Variants in QDPR observed in about 807,000 individuals in gnomAD.
The protein encoded by QDPR is quinoid dihydropteridine reductase, also known as dihydropteridine reductase.
In QDPR, 23 loss-of-function variants were observed where a neutral mutation model predicts 31.7. The ratio of observed to expected loss-of-function variants is 0.73; its 90% CI spans 0.52 to 1.03. The LOEUF is 1.03. Among genes scored for constraint, QDPR ranks in the 50% least tolerant of loss-of-function variants. QDPR has a pLI of 0.00. For missense variants in QDPR, 324 were observed against 323.8 expected (o/e 1.00, Z 0.00); for synonymous variants, 124 against 124.7 (o/e 0.99, Z 0.03).
At chr4:17,506,908 C>A (rs1038041386) in intron 2 of QDPR, among the ~76,000 whole-genome samples, 1 of 152,158 alleles carries the variant, frequency 6.6e-6, no homozygotes, top group African/African-American at 2.4e-5. Flanking sequence ...GTTGTGCTCA[C>A]AGTTTTATGT....
intron 6 of QDPR, chr4:17,490,447 G>A: frequency 1.8e-6 from 1 of 549,972 alleles, no homozygotes; most frequent in Non-Finnish European, 3.4e-6. Context: ...CAGGATTCAT[G>A]TCGGCACTAC....
intron 1 of QDPR, among the ~76,000 whole-genome samples, chr4:17,510,524 T>A (rs1411985): frequency 6.6e-6 from 1 of 152,054 alleles, no homozygotes; most frequent in South Asian, 2.1e-4. Context: ...TGTTATCCCA[T>A]GGGGGATACT....
intron 6 of QDPR, among the ~76,000 whole-genome samples, chr4:17,488,690 C>G (rs1174584334): frequency 6.6e-6 from 1 of 152,194 alleles, no homozygotes; most frequent in African/African-American, 2.4e-5. Flanking sequence ...AGACTTCGGA[C>G]CTTCATTAAC....
At chr4:17,487,831 G>C (rs898020296) in intron 6 of QDPR, among the ~76,000 whole-genome samples, 5 of 152,136 alleles carry the variant, frequency 3.3e-5, no homozygotes, top group Admixed American at 6.6e-5. Flanking sequence ...AAGCCAGTAG[G>C]CATGATGGAC....
At chr4:17,506,756 T>C (rs1017183952) in intron 2 of QDPR, among the ~76,000 whole-genome samples, 1 of 152,248 alleles carries the variant, frequency 6.6e-6, no homozygotes, top group Non-Finnish European at 1.5e-5. Context: ...AAGGTCAATC[T>C]GTATGACTTA....
At chr4:17,499,871 T>C (rs1380902734) in intron 4 of QDPR, among the ~76,000 whole-genome samples, 1 of 152,028 alleles carries the variant, frequency 6.6e-6, no homozygotes, top group Non-Finnish European at 1.5e-5. Flanking sequence ...GTGAGCTAGA[T>C]CATACCACTA....
At chr4:17,496,393 A>C (rs916550357) in intron 4 of QDPR, among the ~76,000 whole-genome samples, 1 of 139,990 alleles carries the variant, frequency 7.1e-6, no homozygotes, top group African/African-American at 2.6e-5. Flanking sequence ...GCGGTGAGCC[A>C]AGATTGCGCC....
chr4:17,488,687 G>A (rs1231270652), intron 6 of QDPR, among the ~76,000 whole-genome samples: 5 of 152,156 alleles, frequency 3.3e-5, no homozygotes, highest in Admixed American at 2.6e-4. Context: ...CTGAGACTTC[G>A]GACCTTCATT....
At chr4:17,492,527 G>A (rs1037456055) in intron 4 of QDPR, 187 bp from the exon 5 acceptor site, 17 of 625,266 alleles carry the variant, frequency 2.7e-5, no homozygotes, top group African/African-American at 1.8e-4. Flanking sequence ...GAGAAAGAGG[G>A]GATGGGAACA....
intron 5 of QDPR, among the ~76,000 whole-genome samples, chr4:17,492,024 T>C (rs1430237649): frequency 6.6e-6 from 1 of 152,256 alleles, no homozygotes; most frequent in East Asian, 1.9e-4. Flanking sequence ...AATACATTTC[T>C]GCTGTTTATA....
intron 4 of QDPR, among the ~76,000 whole-genome samples, chr4:17,500,981 A>AATTGT (rs1458686941): frequency 1.3e-5 from 2 of 152,264 alleles, no homozygotes; most frequent in African/African-American, 4.8e-5. Flanking sequence ...TGTGAATAAC[A>AATTGT]GTAAGACTTG....
At chr4:17,509,134 G>A (rs1359015996) in intron 2 of QDPR, 137 bp downstream of exon 2, 1 of 724,118 alleles carries the variant, frequency 1.4e-6, no homozygotes, top group African/African-American at 1.8e-5. Flanking sequence ...CTCCAGCCTG[G>A]GCGACAGAGC....
At chr4:17,511,911 C>T in intron 1 of QDPR, 39 bp downstream of exon 1, 1 of 1,592,724 alleles carries the variant, frequency 6.3e-7, no homozygotes, top group Non-Finnish European at 8.6e-7. Context: ...CCCCCGGCCA[C>T]CCCCGCGGAG....
chr4:17,511,174 C>A (rs1718992392), intron 1 of QDPR, among the ~76,000 whole-genome samples: 1 of 152,202 alleles, frequency 6.6e-6, no homozygotes, highest in African/African-American at 2.4e-5. Flanking sequence ...TCCCAGAACG[C>A]TGCCGCTGGC....
rs148369556 is a variant in QDPR at position 17,501,796 on chromosome 4, T to C, written c.359A>G (p.His120Arg). ...TTCCTTGAGATGCTTGGTAGCCAGA[T>C]GGCTGGAGATGGTCGATGTCCATAT... ...QSIWTSTISS[H>R]LATKHLKEGG... The change falls in exon 4 of 7, where the codon CAT becomes CGT. Residue 120 changes from histidine to arginine, a missense_variant. Coordinates refer to ENST00000281243, the MANE Select transcript of QDPR (RefSeq NM_000320.3). 59 of 1,614,064 alleles carry C rather than the reference T, an allele frequency of 3.7e-5. No individual in the cohort carries two copies. Among genetic ancestry groups the C allele is most frequent in the Non-Finnish European group, 3.0e-5 (35 of 1,180,044 alleles).
chr4:17,507,866 T>A (rs1402228123), intron 2 of QDPR, among the ~76,000 whole-genome samples: 1 of 152,152 alleles, frequency 6.6e-6, no homozygotes, highest in Non-Finnish European at 1.5e-5. Flanking sequence ...CCTTCCAAAG[T>A]GCTGGGATTA....
chr4:17,496,442 CAAAAAAAAAAAAAA>C lies in QDPR; in HGVS notation c.437-4116_437-4103del, dbSNP rs747311750. Among the ~76,000 whole-genome samples the C allele has an allele frequency of 2.9e-4, 19 of 64,616 alleles. 1 individual carries two copies. Among genetic ancestry groups the C allele is most frequent in the Middle Eastern group, 0.023 (2 of 88 alleles). 42.4% of individuals were successfully genotyped at this position (64,616 alleles called of 152,430 possible). A position where few individuals can be genotyped will look rare whatever the true frequency, so the allele number is the denominator to read the frequency against. ...CTGGGCAATAAGGGCAAAACTGTCT[CAAAAAAAAAAAAAA>C]AAAAAAAAAAAAAAAAGAACAAACT... On this transcript the variant is annotated intron_variant, in intron 4 of 6. Transcript: ENST00000281243.
At chr4:17,501,103 A>C (rs1051776428) in intron 4 of QDPR, among the ~76,000 whole-genome samples, 1 of 152,238 alleles carries the variant, frequency 6.6e-6, no homozygotes, top group Non-Finnish European at 1.5e-5. Flanking sequence ...AGGAAACTAC[A>C]GTAGACATCT....
chr4:17,497,501 G>C (rs796280877), intron 4 of QDPR, among the ~76,000 whole-genome samples: 7 of 142,274 alleles, frequency 4.9e-5, no homozygotes, highest in African/African-American at 2.1e-4. Flanking sequence ...AGGAGGCTCT[G>C]AATATAATTA....
Sources: gnomAD v4.1 joint callset for allele counts (sites outside exome capture counted in the v4.1 genomes callset) on GRCh38, gnomAD v4.1.1 for gene constraint, MANE v1.5 for transcripts, NCBI Gene and HGNC (gene_info 2026-07-23, HGNC 2026-07-21) for gene names.